The following MTMR8 variants were observed in gnomAD, a reference collection of about 807,000 sequenced individuals.
The protein encoded by MTMR8 is phosphatidylinositol-3,5-bisphosphate 3-phosphatase MTMR8.
In MTMR8, 65 loss-of-function variants were observed where a neutral mutation model predicts 39.3. That is an observed-to-expected ratio of 1.65 (90% CI 1.35 to 2.03). The LOEUF (loss-of-function observed/expected upper bound fraction) is 2.03, where lower values mean the gene tolerates loss of function less well. Ranked by LOEUF, MTMR8 falls within the 30% of genes most tolerant of loss-of-function variation. The pLI, the probability that MTMR8 is intolerant of heterozygous loss-of-function variation, is 0.00. For synonymous variants in MTMR8, 245 were observed against 185.2 expected (o/e 1.32, Z -2.62); for missense variants, 777 against 538.9 (o/e 1.44, Z -4.37).
chrX:64,285,802 A>T (rs996704512), intron 12 of MTMR8, among the ~76,000 whole-genome samples: 2 of 111,535 alleles, frequency 1.8e-5, no homozygotes, highest in Non-Finnish European at 3.8e-5. Context: ...AACATACCAG[A>T]ATCTCTGGGA....
chrX:64,348,635 A>G (rs1466608535), intron 6 of MTMR8, 25 bp downstream of exon 6: 11 of 1,207,297 alleles, frequency 9.1e-6, no homozygotes, highest in South Asian at 3.5e-5. Flanking sequence ...CAGAAATATC[A>G]AAGAAATCAC....
At chrX:64,367,628 T>C (rs1195522692) in intron 1 of MTMR8, among the ~76,000 whole-genome samples, 2 of 111,552 alleles carry the variant, frequency 1.8e-5, no homozygotes, top group Non-Finnish European at 3.8e-5. Context: ...TAAGAGCTAT[T>C]TATGACAAAC....
intron 8 of MTMR8, among the ~76,000 whole-genome samples, chrX:64,340,495 A>C (rs67323899): frequency 0.11 from 12,235 of 110,757 alleles, 1,655 homozygotes; most frequent in African/African-American, 0.37. Flanking sequence ...GGCTTTTGTA[A>C]GGAGCAAGGA....
chrX:64,365,231 C>T (rs1290689642), intron 1 of MTMR8, among the ~76,000 whole-genome samples: 1 of 110,600 alleles, frequency 9.0e-6, no homozygotes, highest in Non-Finnish European at 1.9e-5. Flanking sequence ...CAAGGGAGGC[C>T]AACATTCAAA....
At chrX:64,306,047 T>C (rs1397888944) in intron 12 of MTMR8, 1 of 198,819 alleles carries the variant, frequency 5.0e-6, no homozygotes, top group African/African-American at 3.0e-5. Context: ...GCTCCAGAGG[T>C]TGAGGGTGCA....
At chrX:64,301,399 A>G (rs1207513669) in intron 12 of MTMR8, among the ~76,000 whole-genome samples, 1 of 104,621 alleles carries the variant, frequency 9.6e-6, no homozygotes, top group African/African-American at 3.5e-5. Flanking sequence ...TTCTTCACGT[A>G]GTTCTCGAGC....
chrX:64,370,402 T>A (rs1328419096), intron 1 of MTMR8, among the ~76,000 whole-genome samples: 2 of 109,779 alleles, frequency 1.8e-5, no homozygotes, highest in African/African-American at 6.6e-5. Flanking sequence ...AAAGGCGAGA[T>A]GCTTGTGAAC....
In MTMR8 at chrX:64,331,550, A is replaced by T. The variant is rs2147221360; in HGVS notation, c.1352+7T>A. ...CTGTTCAGTGTCTTCTCACAAAGTA[A>T]ATTCACCTTAGATCTTCCCGATCCT... On this transcript the variant is annotated splice_region_variant and intron_variant, in intron 11 of 13. Transcript: ENST00000374852. The T allele has an allele frequency of 1.7e-6, 2 of 1,205,488 alleles. No individual in the cohort carries two copies. Among genetic ancestry groups the T allele is most frequent in the Non-Finnish European group, 2.2e-6 (2 of 892,089 alleles).
intron 12 of MTMR8, among the ~76,000 whole-genome samples, chrX:64,278,460 G>C (rs7053773): frequency 8.1e-5 from 2 of 24,686 alleles, no homozygotes; most frequent in African/African-American, 2.3e-4. Context: ...TATTTTGCTG[G>C]TTTTTTTTTT....
At chrX:64,372,797 C>A (rs1027274337) in intron 1 of MTMR8, among the ~76,000 whole-genome samples, 1 of 111,958 alleles carries the variant, frequency 8.9e-6, no homozygotes, top group Non-Finnish European at 1.9e-5. Flanking sequence ...ACATAGTACA[C>A]AAGTTTCTGC....
chrX:64,301,870 G>T (rs1222866352), intron 12 of MTMR8, among the ~76,000 whole-genome samples: 1 of 111,954 alleles, frequency 8.9e-6, no homozygotes, highest in Non-Finnish European at 1.9e-5. Flanking sequence ...CTCCCAGTTA[G>T]GCTGCTTGGG....
At chrX:64,344,924 C>A in intron 7 of MTMR8, 121 bp downstream of exon 7, 1 of 692,934 alleles carries the variant, frequency 1.4e-6, no homozygotes, top group Non-Finnish European at 2.1e-6. Flanking sequence ...AAACACCTAA[C>A]CACTTATTGA....
chrX:64,314,372 G>A (rs187977833), intron 12 of MTMR8, among the ~76,000 whole-genome samples: 2 of 112,813 alleles, frequency 1.8e-5, no homozygotes, highest in Admixed American at 1.9e-4. Context: ...AGTGGCGGTG[G>A]AGGCTCAGGA....
chrX:64,355,787 C>T (rs1232358387), intron 3 of MTMR8, among the ~76,000 whole-genome samples: 1 of 110,819 alleles, frequency 9.0e-6, no homozygotes, highest in Admixed American at 9.6e-5. Context: ...GGGTGGAAAT[C>T]GTGGGCCAAA....
chrX:64,337,224 T>C (rs41305415), intron 9 of MTMR8, 44 bp downstream of exon 9: 93,582 of 1,158,732 alleles, frequency 0.081, 3,093 homozygotes, highest in Non-Finnish European at 0.096. Context: ...TTTGTCGCAA[T>C]CTGTCTCTTA....
At chrX:64,281,055 A>G (rs150492206) in intron 12 of MTMR8, among the ~76,000 whole-genome samples, 1 of 111,716 alleles carries the variant, frequency 9.0e-6, no homozygotes, top group African/African-American at 3.2e-5. Flanking sequence ...AAGAGGACAC[A>G]AACAAATGGA....
At chrX:64,291,743 C>G (rs1468534922) in intron 12 of MTMR8, among the ~76,000 whole-genome samples, 2 of 111,704 alleles carry the variant, frequency 1.8e-5, no homozygotes, top group Non-Finnish European at 3.8e-5. Flanking sequence ...GAATTTGGAA[C>G]ACGTTCGCAT....
At chrX:64,371,331 G>A (rs977941477) in intron 1 of MTMR8, among the ~76,000 whole-genome samples, 1 of 112,189 alleles carries the variant, frequency 8.9e-6, no homozygotes, top group Non-Finnish European at 1.9e-5. Context: ...AATTTCACTA[G>A]TAATGACAGA....
chrX:64,286,830 T>C (rs1470924860), intron 12 of MTMR8, among the ~76,000 whole-genome samples: 1 of 111,546 alleles, frequency 9.0e-6, no homozygotes, highest in African/African-American at 3.3e-5. Context: ...ATAAGAGCTA[T>C]TTATGACAAA....
Sources: allele counts gnomAD v4.1 joint callset (sites outside exome capture counted in the v4.1 genomes callset), GRCh38; gene constraint gnomAD v4.1.1; transcripts MANE v1.5; gene names NCBI Gene and HGNC (gene_info 2026-07-23, HGNC 2026-07-21).